The following TRMT11 variants were observed in gnomAD, a reference collection of about 807,000 sequenced individuals.
The protein encoded by TRMT11 is tRNA (guanine(10)-N(2))-methyltransferase TRMT11.
Under a neutral mutation model 62.8 loss-of-function variants are expected in TRMT11, and 53 were observed. That is an observed-to-expected ratio of 0.84 (90% CI 0.68 to 1.06). The LOEUF (loss-of-function observed/expected upper bound fraction) is 1.06, where lower values mean the gene tolerates loss of function less well. Among genes scored for constraint, TRMT11 ranks in the 50% least tolerant of loss-of-function variants. The probability of loss-of-function intolerance (pLI) is 0.00; values close to 1 mark genes in which losing one functional copy is unlikely to be tolerated. For synonymous variants in TRMT11, 188 were observed against 190.3 expected, an observed-to-expected ratio of 0.99 and a Z score of 0.10; for missense variants, 556 against 553.4, an observed-to-expected ratio of 1.00 and a Z score of -0.05.
intron 12 of TRMT11, among the ~76,000 whole-genome samples, chr6:126,033,359 C>G (rs558667196): frequency 2.4e-4 from 36 of 152,112 alleles, no homozygotes; most frequent in African/African-American, 8.2e-4. Context: ...AATGAATTCC[C>G]CATTAGATTA....
intron 17 of TRMT11, among the ~76,000 whole-genome samples, chr6:126,079,696 A>G (rs1477071495): frequency 6.6e-6 from 1 of 152,148 alleles, no homozygotes; most frequent in Admixed American, 6.6e-5. Context: ...AAACCTGCAC[A>G]TGTACCTCCA....
the TRMT11 span, among the ~76,000 whole-genome samples, chr6:126,266,531 GTTC>G: frequency 6.6e-6 from 1 of 152,048 alleles, no homozygotes; most frequent in Admixed American, 6.5e-5. Context: ...CCCTTATTTA[GTTC>G]TTCTTTTAGG....
At chr6:126,238,516 C>T in the TRMT11 span, among the ~76,000 whole-genome samples, 13 of 151,808 alleles carry the variant, frequency 8.6e-5, no homozygotes, top group East Asian at 3.9e-4. Context: ...TGTAGTTGAG[C>T]GGTTTTGAGT....
the TRMT11 span, among the ~76,000 whole-genome samples, chr6:126,264,628 G>C: frequency 1.3e-5 from 2 of 152,186 alleles, no homozygotes; most frequent in African/African-American, 4.8e-5. Flanking sequence ...ATTGCTCTCT[G>C]TATTGTGAGT....
In TRMT11 at chr6:126,145,713, T is replaced by C. The variant is rs77687978; in HGVS notation, c.*1824-29112T>C. Among the ~76,000 whole-genome samples, 1,056 of 152,270 alleles carry C rather than the reference T, an allele frequency of 6.9e-3. 11 individuals are homozygous for C. Among genetic ancestry groups the C allele is most frequent in the African/African-American group, 0.024 (1,007 of 41,562 alleles). On this transcript the variant is annotated intron_variant and NMD_transcript_variant, in intron 21 of 22. Transcript: ENST00000648977. ...TCAACAGCCTTGTCACTTTATCTAC[T>C]GTGTCTGTTTACTTCTCTCTGGATT...
At chr6:126,116,043 A>G (rs1471596406) in intron 21 of TRMT11, among the ~76,000 whole-genome samples, 1 of 147,846 alleles carries the variant, frequency 6.8e-6, no homozygotes, top group African/African-American at 2.5e-5. Context: ...TTAATTTTCA[A>G]TGCTTGTCCA....
intron 21 of TRMT11, among the ~76,000 whole-genome samples, chr6:126,169,160 T>C (rs1451822117): frequency 6.6e-6 from 1 of 152,228 alleles, no homozygotes. Context: ...GAGCTACCTT[T>C]TAATGTGACA....
intron 8 of TRMT11, chr6:126,008,708 C>T: frequency 1.5e-6 from 1 of 674,938 alleles, no homozygotes; most frequent in Middle Eastern, 2.4e-4. Flanking sequence ...TGATCCACTT[C>T]CACTTCATGA....
chr6:126,262,193 C>T, the TRMT11 span, among the ~76,000 whole-genome samples: 277 of 152,236 alleles, frequency 1.8e-3, 2 homozygotes, highest in Middle Eastern at 3.4e-3. Context: ...TGTAGTGGAG[C>T]GGAGGGCTTG....
chr6:125,990,722 G>T (rs1790467923), intron 1 of TRMT11, among the ~76,000 whole-genome samples: 3 of 152,108 alleles, frequency 2.0e-5, no homozygotes, highest in Admixed American at 2.0e-4. Context: ...TTTTTTCAGG[G>T]ATTGAGGCAG....
At chr6:126,103,214 A>G (rs1193996114) in intron 17 of TRMT11, among the ~76,000 whole-genome samples, 3 of 152,212 alleles carry the variant, frequency 2.0e-5, no homozygotes, top group Non-Finnish European at 4.4e-5. Context: ...TCCTACGCTA[A>G]TTCTCATTTG....
Position 125,995,979 on chromosome 6 carries a change from A to G in TRMT11, c.151A>G (p.Ile51Val), listed in dbSNP as rs371698978. The G allele has an allele frequency of 5.0e-6, 8 of 1,609,188 alleles. No individual in the cohort carries two copies. The South Asian group carries it at 5.5e-5, about 11-fold the overall frequency. ...TTATTTCTTTTAGTCACCATTTTGG[A>G]TTCTTAGCATTCCCTCTGAAGATAT... ...QETYGKSPFW[I>V]LSIPSEDIAR... is the part of the protein sequence containing the mutation. The change falls in exon 3 of 13, where the codon ATT (isoleucine) becomes GTT (valine). Residue 51 changes from isoleucine (I) to valine (V), a missense_variant. By Grantham distance (29) the Ile-to-Val change is conservative. Transcript: ENST00000334379.
chr6:126,029,322 A>G (rs892117091), intron 12 of TRMT11, among the ~76,000 whole-genome samples: 2 of 152,144 alleles, frequency 1.3e-5, no homozygotes, highest in African/African-American at 2.4e-5. Flanking sequence ...CCTGCCACCA[A>G]GGTCAAGGTT....
chr6:126,240,962 T>A, the TRMT11 span, among the ~76,000 whole-genome samples: 3 of 152,242 alleles, frequency 2.0e-5, no homozygotes, highest in East Asian at 1.9e-4. Flanking sequence ...CTCAGACTGC[T>A]GTGCCAGCAA....
chr6:126,062,723 A>G (rs1776571570), intron 17 of TRMT11, among the ~76,000 whole-genome samples: 1 of 152,254 alleles, frequency 6.6e-6, no homozygotes, highest in East Asian at 1.9e-4. Flanking sequence ...TTTATTATTC[A>G]TAGAGTGGCA....
chr6:126,123,305 G>A (rs1356894798), intron 21 of TRMT11, among the ~76,000 whole-genome samples: 2 of 152,064 alleles, frequency 1.3e-5, no homozygotes, highest in Non-Finnish European at 2.9e-5. Flanking sequence ...GCCATCTTTT[G>A]GGGGCAGGAA....
intron 21 of TRMT11, among the ~76,000 whole-genome samples, chr6:126,162,133 C>T (rs1338029064): frequency 2.6e-5 from 4 of 152,156 alleles, no homozygotes; most frequent in African/African-American, 9.7e-5. Flanking sequence ...GAAGTCTTTG[C>T]CCATGCCTAT....
At chr6:126,129,596 C>T (rs951593439) in intron 21 of TRMT11, among the ~76,000 whole-genome samples, 4 of 151,968 alleles carry the variant, frequency 2.6e-5, no homozygotes, top group Non-Finnish European at 2.9e-5. Flanking sequence ...AATCATAGCT[C>T]ACTGCAGCCT....
the TRMT11 span, among the ~76,000 whole-genome samples, chr6:126,257,669 A>G: frequency 2.6e-5 from 4 of 151,798 alleles, no homozygotes; most frequent in South Asian, 2.1e-4. Context: ...TTTTATTTTT[A>G]TTTTTTAGCT....
Sources: allele counts gnomAD v4.1 joint callset (sites outside exome capture counted in the v4.1 genomes callset), GRCh38; gene constraint gnomAD v4.1.1; transcripts MANE v1.5; gene names NCBI Gene and HGNC (gene_info 2026-07-23, HGNC 2026-07-21).